The following DLGAP2 variants were observed in gnomAD, a reference collection of about 807,000 sequenced individuals.
DLGAP2 encodes the protein DLG associated protein 2.
DLGAP2 carries 26 observed loss-of-function variants against 100.3 expected under a neutral mutation model. That is an observed-to-expected ratio of 0.26 (90% CI 0.19 to 0.36). The LOEUF is 0.36. DLGAP2 is among the 10% of genes least tolerant of loss of function. The pLI is 1.00. For synonymous variants in DLGAP2, 886 were observed against 630.1 expected, an observed-to-expected ratio of 1.41 and a Z score of -6.08; for missense variants, 1,858 against 1,453.2, an observed-to-expected ratio of 1.28 and a Z score of -4.53.
At chr8:1,011,772 G>T (rs770249888) in intron 2 of DLGAP2, among the ~76,000 whole-genome samples, 1 of 83,596 alleles carries the variant, frequency 1.2e-5, no homozygotes, top group South Asian at 3.3e-4. Context: ...TGGAATGAGG[G>T]GTCTCAGTCT....
At chr8:1,510,969 G>C (rs941731070) in intron 4 of DLGAP2, among the ~76,000 whole-genome samples, 2 of 152,218 alleles carry the variant, frequency 1.3e-5, no homozygotes, top group African/African-American at 4.8e-5. Flanking sequence ...CTTTGCTAAT[G>C]AGTTAGGCTT....
Position 1,690,767 on chromosome 8 carries a change from G to T in DLGAP2, c.2705-768G>T, listed in dbSNP as rs1368953024. ...TAACCAAATAAAGTCATTGCAATTA[G>T]GAACCATTTGTAGATTAATTCTTCC... is the stretch of plus-strand genomic sequence containing the variant. On this transcript the variant is annotated intron_variant, in intron 12 of 14. Transcript: ENST00000637795. 4.0e-5 allele frequency among the ~76,000 whole-genome samples: 6 copies of T among 149,370 alleles called. No individual in the cohort carries two copies. In the East Asian group the frequency reaches 1.2e-3, roughly 30 times the overall value.
At chr8:1,298,710 C>A (rs1389691807) in intron 3 of DLGAP2, among the ~76,000 whole-genome samples, 1 of 152,162 alleles carries the variant, frequency 6.6e-6, no homozygotes, top group Non-Finnish European at 1.5e-5. Flanking sequence ...GCATGCATGC[C>A]AGAGGGGAAC....
chr8:1,178,969 C>T (rs966448176), intron 2 of DLGAP2, among the ~76,000 whole-genome samples: 1 of 146,998 alleles, frequency 6.8e-6, no homozygotes, highest in Admixed American at 6.8e-5. Flanking sequence ...GGTCTCGTCT[C>T]CAGTTCACCA....
chr8:1,536,805 C>T (rs774463231), intron 4 of DLGAP2, among the ~76,000 whole-genome samples: 5 of 152,194 alleles, frequency 3.3e-5, no homozygotes, highest in Non-Finnish European at 7.3e-5. Flanking sequence ...TATTTCCATT[C>T]AAATATTTCA....
At chr8:1,333,737 C>A (rs1801210198) in intron 3 of DLGAP2, among the ~76,000 whole-genome samples, 1 of 152,220 alleles carries the variant, frequency 6.6e-6, no homozygotes, top group South Asian at 2.1e-4. Flanking sequence ...TCATATGGTT[C>A]TCACCTATTC....
Position 1,582,038 on chromosome 8 carries a change from T to C in DLGAP2, c.1442+16144T>C, listed in dbSNP as rs947403380. Among the ~76,000 whole-genome samples, 5 of 121,090 alleles carry C rather than the reference T, an allele frequency of 4.1e-5. No homozygotes were observed. The Admixed American group carries it at 4.5e-4, about 11-fold the overall frequency. The allele number at this position is 121,090 out of a possible 152,430, so 79.4% of individuals were successfully genotyped here. On this transcript the variant is annotated intron_variant, in intron 6 of 14. Coordinates refer to ENST00000637795, the MANE Select transcript of DLGAP2 (RefSeq NM_001346810.2). ...ATACAGAAAAAACCCCACACACGTC[T>C]ACACACCACAGTCAAACTACCAGAA...
intron 2 of DLGAP2, among the ~76,000 whole-genome samples, chr8:1,112,333 C>T (rs879755989): frequency 2.0e-5 from 3 of 149,162 alleles, no homozygotes; most frequent in East Asian, 2.0e-4. Context: ...CTCCGCCTCC[C>T]CGGTTCATGC....
chr8:1,473,041 C>T (rs1239350033), intron 3 of DLGAP2, among the ~76,000 whole-genome samples: 7 of 152,186 alleles, frequency 4.6e-5, no homozygotes, highest in Non-Finnish European at 8.8e-5. Context: ...AGCGATTCTC[C>T]TGCCTCAGTC....
intron 1 of DLGAP2, among the ~76,000 whole-genome samples, chr8:742,707 A>G (rs1010824380): frequency 3.6e-4 from 54 of 151,656 alleles, no homozygotes; most frequent in Admixed American, 1.6e-3. Context: ...GAGGTCTTGC[A>G]GTGTTGCCCA....
Position 1,708,354 on chromosome 8 carries a change from T to C in DLGAP2, c.*6948T>C, listed in dbSNP as rs776337264. 6.6e-6 allele frequency: 1 copy of C among 152,240 alleles called. No homozygotes were observed. Among genetic ancestry groups the C allele is most frequent in the East Asian group, 1.9e-4 (1 of 5,204 alleles). 9.4% of individuals were successfully genotyped at this position (152,240 alleles called of 1,614,324 possible). A position where few individuals can be genotyped will look rare whatever the true frequency, so the allele number is the denominator to read the frequency against. ...CATTATATATTTCATTGTTGAAATA[T>C]CCTCAATTTCTCTATATTTTAAGAA... On this transcript the variant is annotated 3_prime_UTR_variant, in exon 15 of 15. Coordinates refer to ENST00000637795, the MANE Select transcript of DLGAP2 (RefSeq NM_001346810.2).
chr8:1,006,581 G>A (rs1371560140), intron 2 of DLGAP2, among the ~76,000 whole-genome samples: 6 of 57,270 alleles, frequency 1.0e-4, no homozygotes, highest in African/African-American at 3.8e-4. Flanking sequence ...CGTCGGGGGC[G>A]CCCTGCGTCT....
chr8:1,327,727 C>G (rs1192763773), intron 3 of DLGAP2, among the ~76,000 whole-genome samples: 2 of 152,002 alleles, frequency 1.3e-5, no homozygotes, highest in African/African-American at 4.8e-5. Flanking sequence ...GCCTGTAGTC[C>G]CAGCTACTCA....
At chr8:1,381,785 G>C in intron 3 of DLGAP2, among the ~76,000 whole-genome samples, 1 of 60,600 alleles carries the variant, frequency 1.7e-5, no homozygotes, top group Middle Eastern at 9.6e-3. Flanking sequence ...TTATTCTAGT[G>C]TGTGTGTGTG....
intron 2 of DLGAP2, among the ~76,000 whole-genome samples, chr8:1,066,297 G>A (rs1370172930): frequency 6.6e-6 from 1 of 151,086 alleles, no homozygotes; most frequent in Non-Finnish European, 1.5e-5. Context: ...TCAGGTCTGA[G>A]CGAGGACAGC....
chr8:837,464 A>G (rs930329648), intron 1 of DLGAP2, among the ~76,000 whole-genome samples: 2 of 152,158 alleles, frequency 1.3e-5, no homozygotes, highest in Non-Finnish European at 2.9e-5. Context: ...TTAAAAAATT[A>G]TTTCTCAGAA....
chr8:1,027,218 A>G (rs546987748), intron 2 of DLGAP2, among the ~76,000 whole-genome samples: 1 of 152,384 alleles, frequency 6.6e-6, no homozygotes, highest in Non-Finnish European at 1.5e-5. Flanking sequence ...GGATTATAAC[A>G]AAGTTAGCAT....
rs143503811 is a variant in DLGAP2, at chr8:1,699,421, C to T, written c.2950-1767C>T. On this transcript the variant is annotated intron_variant, in intron 14 of 14. Coordinates refer to ENST00000637795, the MANE Select transcript of DLGAP2 (RefSeq NM_001346810.2). ...GAGATCAAGATCATACTGGCTAACA[C>T]GGTGAAACCCTGTCTCTATTAAAAA... 5.5e-3 allele frequency among the ~76,000 whole-genome samples: 832 copies of T among 150,276 alleles called. 9 individuals are homozygous for T. The highest frequency in any genetic ancestry group is 0.019 in the African/African-American group (786 of 40,722).
At chr8:1,233,768 C>G (rs1360109135) in intron 2 of DLGAP2, among the ~76,000 whole-genome samples, 1 of 152,218 alleles carries the variant, frequency 6.6e-6, no homozygotes, top group Non-Finnish European at 1.5e-5. Flanking sequence ...CAGGGTCTCA[C>G]TGGGAGCTGT....
Sources: allele counts gnomAD v4.1 joint callset (sites outside exome capture counted in the v4.1 genomes callset), GRCh38; gene constraint gnomAD v4.1.1; transcripts MANE v1.5; gene names NCBI Gene and HGNC (gene_info 2026-07-23, HGNC 2026-07-21).